PLCE1: variants seen among roughly 807,000 people sequenced by gnomAD.
PLCE1 encodes the protein phospholipase C epsilon 1.
Under a neutral mutation model 242.8 loss-of-function variants are expected in PLCE1, and 119 were observed. The ratio of observed to expected loss-of-function variants is 0.49; its 90% CI spans 0.42 to 0.57. The LOEUF is 0.57. Among genes scored for constraint, PLCE1 ranks in the 20% least tolerant of loss-of-function variants. PLCE1 has a pLI of 0.00. For synonymous variants in PLCE1, 945 were observed against 1,017.4 expected (o/e 0.93, Z 1.35); for missense variants, 2,441 against 2,788.8 (o/e 0.88, Z 2.81).
intron 2 of PLCE1, among the ~76,000 whole-genome samples, chr10:94,084,697 A>G (rs2044753712): frequency 6.6e-6 from 1 of 152,206 alleles, no homozygotes; most frequent in Non-Finnish European, 1.5e-5. Context: ...ATTTGGAGCC[A>G]GGGAAAAATT....
chr10:94,270,047 G>T (rs1032132973), intron 17 of PLCE1, among the ~76,000 whole-genome samples: 2 of 152,118 alleles, frequency 1.3e-5, no homozygotes, highest in South Asian at 4.2e-4. Flanking sequence ...ATTGGCATGG[G>T]CATGAGTTGA....
chr10:94,192,128 T>C (rs2136624312), intron 4 of PLCE1, among the ~76,000 whole-genome samples: 1 of 152,364 alleles, frequency 6.6e-6, no homozygotes, highest in South Asian at 2.1e-4. Flanking sequence ...AACATATCCG[T>C]CACCTCAAAT....
chr10:94,245,804 T>G, intron 7 of PLCE1, 142 bp from the exon 8 acceptor site: 1 of 738,902 alleles, frequency 1.4e-6, no homozygotes, highest in Admixed American at 2.1e-5. Flanking sequence ...GAAGTTACTG[T>G]GTGCTATTTA....
chr10:94,203,670 C>T (rs944109599), intron 4 of PLCE1, among the ~76,000 whole-genome samples: 1 of 152,138 alleles, frequency 6.6e-6, no homozygotes, highest in Admixed American at 6.6e-5. Context: ...TGGAGTTGAG[C>T]CTACATAAGC....
intron 7 of PLCE1, among the ~76,000 whole-genome samples, chr10:94,241,654 G>A (rs763882295): frequency 6.6e-6 from 1 of 152,090 alleles, no homozygotes; most frequent in Non-Finnish European, 1.5e-5. Context: ...GCCGGGTGTG[G>A]TGGCGGGCAC....
At chr10:94,262,808 TC>T in intron 14 of PLCE1, 76 bp downstream of exon 14, 1 of 1,004,654 alleles carries the variant, frequency 1.0e-6, no homozygotes, top group Admixed American at 1.7e-5. Context: ...AAATGTTTAT[TC>T]TTTCTATACT....
At chr10:94,049,670 G>A (rs1284088227) in intron 2 of PLCE1, among the ~76,000 whole-genome samples, 1 of 151,900 alleles carries the variant, frequency 6.6e-6, no homozygotes, top group Non-Finnish European at 1.5e-5. Flanking sequence ...ATCATATAAG[G>A]TGTACAGGTC....
intron 2 of PLCE1, among the ~76,000 whole-genome samples, chr10:94,082,471 G>A (rs2044680717): frequency 6.6e-6 from 1 of 152,124 alleles, no homozygotes; most frequent in South Asian, 2.1e-4. Flanking sequence ...GGTCCCCAGG[G>A]AGGGGCCCTG....
intron 4 of PLCE1, among the ~76,000 whole-genome samples, chr10:94,174,191 G>A (rs879309065): frequency 2.0e-5 from 3 of 152,130 alleles, no homozygotes; most frequent in Non-Finnish European, 2.9e-5. Flanking sequence ...TGAAGCTTAG[G>A]CAACAAAATA....
chr10:94,124,700 G>A (rs751838568), intron 2 of PLCE1, among the ~76,000 whole-genome samples: 11 of 152,308 alleles, frequency 7.2e-5, no homozygotes, highest in Non-Finnish European at 1.5e-4. Flanking sequence ...ATTTAGCAGA[G>A]TCAATACATT....
Position 94,233,991 on chromosome 10 carries a change from G to C in PLCE1, c.1956-63G>C, listed in dbSNP as rs575745313. 2,795 of 1,395,686 alleles carry C rather than the reference G, an allele frequency of 2.0e-3. 7 individuals carry two copies. Among genetic ancestry groups the C allele is most frequent in the Non-Finnish European group, 2.4e-3 (2,413 of 994,046 alleles). The allele number at this position is 1,395,686 out of a possible 1,614,324, so 86.5% of individuals were successfully genotyped here. A position where few individuals can be genotyped will look rare whatever the true frequency, so the allele number is the denominator to read the frequency against. ...AAGAATGAATTTGTATGGAATTTAG[G>C]CTCCTTGCTGTAAACTATATTATTT... On this transcript the variant is annotated intron_variant, in intron 5 of 32. Transcript: ENST00000371380.
At chr10:94,319,085 G>A (rs574600998) in intron 29 of PLCE1, among the ~76,000 whole-genome samples, 2 of 152,164 alleles carry the variant, frequency 1.3e-5, no homozygotes, top group African/African-American at 4.8e-5. Context: ...AGGCAGTAGG[G>A]ACCTCAGGAA....
chr10:94,234,498 T>A (rs978807903), intron 6 of PLCE1, among the ~76,000 whole-genome samples, 186 bp downstream of exon 6: 3 of 152,192 alleles, frequency 2.0e-5, no homozygotes, highest in Admixed American at 6.5e-5. Context: ...TAGCGCTGTG[T>A]GGGACATAGT....
At chr10:94,125,967 C>T (rs1264708705) in intron 2 of PLCE1, among the ~76,000 whole-genome samples, 2 of 152,106 alleles carry the variant, frequency 1.3e-5, no homozygotes, top group Non-Finnish European at 2.9e-5. Context: ...AAGTCTTTGC[C>T]TTTGTCTCCA....
At chr10:94,005,278 C>A (rs754178924) in intron 1 of PLCE1, among the ~76,000 whole-genome samples, 3 of 152,166 alleles carry the variant, frequency 2.0e-5, no homozygotes, top group Non-Finnish European at 4.4e-5. Context: ...TGGGAGGATG[C>A]CCAGGACATT....
chr10:94,143,879 T>C (rs1404509251), intron 3 of PLCE1, among the ~76,000 whole-genome samples: 1 of 152,250 alleles, frequency 6.6e-6, no homozygotes, highest in Non-Finnish European at 1.5e-5. Flanking sequence ...AAGTGATTCC[T>C]TGAACAAATG....
Position 94,304,411 on chromosome 10 carries a change from C to A in PLCE1, c.5459-71C>A, listed in dbSNP as rs3818432. The stretch of plus-strand genomic sequence containing the variant: ...TTGATGCAAAGTTCTTTTGAACTTT[C>A]AATTTATAAGGTGATACTTAAGCGA... On this transcript the variant is annotated intron_variant, in intron 24 of 32. Transcript: ENST00000371380. 365,556 of 1,390,118 alleles carry A rather than the reference C, an allele frequency of 0.26. 49,854 individuals are homozygous for A. The highest frequency in any genetic ancestry group is 0.4 in the Middle Eastern group (2,201 of 5,478). 86.1% of individuals were successfully genotyped at this position (1,390,118 alleles called of 1,614,324 possible).
At chr10:94,313,170 C>G in intron 27 of PLCE1, 84 bp from the exon 28 acceptor site, 1 of 1,523,942 alleles carries the variant, frequency 6.6e-7, no homozygotes, top group South Asian at 1.1e-5. Context: ...ATCCGTACTT[C>G]TAAGTACTAG....
intron 2 of PLCE1, among the ~76,000 whole-genome samples, chr10:94,103,890 T>C (rs1423981399): frequency 6.6e-6 from 1 of 152,246 alleles, no homozygotes; most frequent in African/African-American, 2.4e-5. Context: ...GACATTCTCA[T>C]TTCGGGTCTA....
Sources: allele counts gnomAD v4.1 joint callset (sites outside exome capture counted in the v4.1 genomes callset), GRCh38; gene constraint gnomAD v4.1.1; transcripts MANE v1.5; gene names NCBI Gene and HGNC (gene_info 2026-07-23, HGNC 2026-07-21).